The following MVB12A variants were observed in gnomAD, a reference collection of about 807,000 sequenced individuals.
The protein encoded by MVB12A is CIN85/CD2AP family binding protein.
In MVB12A, 30 loss-of-function variants were observed where a neutral mutation model predicts 34.3. That is an observed-to-expected ratio of 0.88 (90% confidence interval 0.65 to 1.19). The LOEUF is 1.19. MVB12A is among the 50% of genes most tolerant of loss of function. MVB12A has a pLI of 0.00. For synonymous variants in MVB12A, 158 were observed against 158.9 expected, an observed-to-expected ratio of 0.99 and a Z score of 0.04; for missense variants, 355 against 369.2, an observed-to-expected ratio of 0.96 and a Z score of 0.31.
chr19:17,420,498 G>C, intron 2 of MVB12A, 40 bp from the exon 3 acceptor site: 4 of 1,584,176 alleles, frequency 2.5e-6, no homozygotes, highest in South Asian at 1.1e-5. Context: ...CGCTGTCCCC[G>C]CTGCTAGCCA....
rs1228010082 is a variant in MVB12A, at chr19:17,423,781, A to G, written c.622A>G (p.Ser208Gly). 1 of 1,613,962 alleles carries G rather than the reference A, an allele frequency of 6.2e-7. No individual in the cohort carries two copies. The highest frequency in any genetic ancestry group is 2.2e-5 in the East Asian group (1 of 44,886). The change falls in exon 6 of 9, where the codon AGC becomes GGC. Residue 208 changes from serine to glycine, a missense_variant. Physicochemically the swap from Ser to Gly is moderately conservative, Grantham distance 56. Coordinates refer to ENST00000317040, the MANE Select transcript of MVB12A (RefSeq NM_138401.4). ...GAATGACTCCATCTACGAGGCCTCC[A>G]GCCTCTATGGCATCTCAGGTGAGCA... ...RRNDSIYEAS[S>G]LYGISAMDGV...
At chr19:17,409,078 C>T (rs998126629) in intron 2 of MVB12A, among the ~76,000 whole-genome samples, 18 of 151,520 alleles carry the variant, frequency 1.2e-4, no homozygotes, top group African/African-American at 4.4e-4. Context: ...ATCCACCCAA[C>T]TTGGACTCAC....
chr19:17,410,750 G>A (rs1244424429), intron 2 of MVB12A, among the ~76,000 whole-genome samples: 2 of 145,788 alleles, frequency 1.4e-5, no homozygotes, highest in East Asian at 4.1e-4. Flanking sequence ...CCAACATGGT[G>A]AAACCCTGTC....
chr19:17,418,771 G>A (rs748466518), upstream of MVB12A: 1 of 150,650 alleles, frequency 6.6e-6, no homozygotes, highest in Non-Finnish European at 1.5e-5. Context: ...ATGTTGTCCA[G>A]GCTAGATTCA....
At chr19:17,412,302 T>C (rs2008823) in intron 2 of MVB12A, among the ~76,000 whole-genome samples, 5,799 of 152,306 alleles carry the variant, frequency 0.038, 171 homozygotes, top group African/African-American at 0.085. Flanking sequence ...AGTCTCACTC[T>C]GTTGCCCAGG....
chr19:17,413,727 A>C (rs2074782947), intron 2 of MVB12A, among the ~76,000 whole-genome samples: 1 of 152,160 alleles, frequency 6.6e-6, no homozygotes, highest in African/African-American at 2.4e-5. Context: ...ACAAACCAAT[A>C]CAAACAACAA....
chr19:17,410,819 C>T (rs145783544), intron 2 of MVB12A, among the ~76,000 whole-genome samples: 3,817 of 142,064 alleles, frequency 0.027, 183 homozygotes, highest in African/African-American at 0.093. Flanking sequence ...ATCCCAGCTA[C>T]TCAGAAGGCT....
At chr19:17,411,072 A>G (rs1200440348) in intron 2 of MVB12A, among the ~76,000 whole-genome samples, 4 of 150,508 alleles carry the variant, frequency 2.7e-5, no homozygotes, top group African/African-American at 7.3e-5. Flanking sequence ...TGATTCAAGC[A>G]ATTCTCCTGC....
chr19:17,408,370 A>G (rs1266839958), intron 2 of MVB12A, among the ~76,000 whole-genome samples: 2 of 150,662 alleles, frequency 1.3e-5, no homozygotes, highest in Non-Finnish European at 3.0e-5. Flanking sequence ...GAGAGATCCT[A>G]TCCCTATTTA....
At chr19:17,418,084 A>C (rs1175515011), upstream of MVB12A, 1 of 153,392 alleles carries the variant, frequency 6.5e-6, no homozygotes, top group Non-Finnish European at 1.5e-5. Context: ...TTTAGTAGAG[A>C]CGGGGTTTCA....
intron 2 of MVB12A, among the ~76,000 whole-genome samples, chr19:17,408,631 G>C (rs2074743923): frequency 6.6e-6 from 1 of 150,606 alleles, no homozygotes; most frequent in Admixed American, 6.6e-5. Context: ...ACTTTTAGTA[G>C]AGACAGGGTT....
At chr19:17,417,057 T>C (rs899174698), upstream of MVB12A, 1 of 419,374 alleles carries the variant, frequency 2.4e-6, no homozygotes, top group Non-Finnish European at 4.7e-6. Flanking sequence ...TCCACTTTTT[T>C]CCAGGCAACT....
At chr19:17,417,051 CT>C (rs1387821759), upstream of MVB12A, 15 of 409,394 alleles carry the variant, frequency 3.7e-5, no homozygotes, top group East Asian at 6.6e-5. Flanking sequence ...TCCTCTTCCA[CT>C]TTTTTCCAGG....
chr19:17,424,894 C>T (rs997236862), intron 8 of MVB12A, 37 bp from the exon 9 acceptor site: 1 of 1,541,930 alleles, frequency 6.5e-7, no homozygotes, highest in Non-Finnish European at 8.9e-7. Context: ...TCTCTTTACT[C>T]TGGCACCTGT....
chr19:17,409,113 G>C (rs911493574), intron 2 of MVB12A, among the ~76,000 whole-genome samples: 5 of 151,314 alleles, frequency 3.3e-5, no homozygotes, highest in African/African-American at 1.2e-4. Flanking sequence ...ACAAGCGTGA[G>C]CCACCGTGCC....
chr19:17,412,693 C>T (rs2074776577), intron 2 of MVB12A, among the ~76,000 whole-genome samples: 1 of 152,140 alleles, frequency 6.6e-6, no homozygotes, highest in South Asian at 2.1e-4. Flanking sequence ...AGAAAATAGG[C>T]GGTGAGATTT....
chr19:17,423,956 G>A, intron 6 of MVB12A, 50 bp from the exon 7 acceptor site: 1 of 1,603,296 alleles, frequency 6.2e-7, no homozygotes, highest in Non-Finnish European at 8.5e-7. Flanking sequence ...CTGTGGGTGG[G>A]GTGGGCAGTT....
intron 2 of MVB12A, among the ~76,000 whole-genome samples, chr19:17,410,000 G>A (rs568479105): frequency 9.3e-5 from 14 of 150,608 alleles, no homozygotes; most frequent in South Asian, 2.1e-4. Context: ...CTCATGATCC[G>A]TCCATCTCGG....
chr19:17,411,235 G>A (rs1202389269), intron 2 of MVB12A, among the ~76,000 whole-genome samples: 1 of 151,936 alleles, frequency 6.6e-6, no homozygotes, highest in African/African-American at 2.4e-5. Context: ...CAAAGTTCTG[G>A]GATTACAGGC....
Sources: allele counts gnomAD v4.1 joint callset (sites outside exome capture counted in the v4.1 genomes callset), GRCh38; gene constraint gnomAD v4.1.1; transcripts MANE v1.5; gene names NCBI Gene and HGNC (gene_info 2026-07-23, HGNC 2026-07-21).